MAP3K3: variants seen among roughly 807,000 people sequenced by gnomAD.
MAP3K3 encodes MAP/ERK kinase kinase 3.
Under a neutral mutation model 80.9 loss-of-function variants are expected in MAP3K3, and 12 were observed. The ratio of observed to expected loss-of-function variants is 0.15; its 90% CI spans 0.10 to 0.24. MAP3K3 has a LOEUF of 0.24. MAP3K3 is among the 10% of genes least tolerant of loss of function. The pLI, the probability that MAP3K3 is intolerant of heterozygous loss-of-function variation, is 1.00. For missense variants in MAP3K3, 596 were observed against 834.7 expected (o/e 0.71, Z 3.52); for synonymous variants, 272 against 307.1 (o/e 0.89, Z 1.19).
At chr17:63,637,890 A>G (rs892597213) in intron 2 of MAP3K3, among the ~76,000 whole-genome samples, 3 of 152,342 alleles carry the variant, frequency 2.0e-5, no homozygotes, top group Non-Finnish European at 4.4e-5. Context: ...GTGCTTCAGA[A>G]CAGAAAAGCT....
intron 3 of MAP3K3, among the ~76,000 whole-genome samples, chr17:63,647,400 G>A (rs1262096948): frequency 6.6e-6 from 1 of 152,210 alleles, no homozygotes; most frequent in African/African-American, 2.4e-5. Flanking sequence ...GAGCAGCAGA[G>A]TTTTCAATCA....
At position 63,692,339 on chromosome 17, in the gene MAP3K3, G is replaced by C; in HGVS notation, c.1572G>C (p.Met524Ile). The change falls in exon 15 of 16, where the codon ATG becomes ATC. Residue 524 changes from methionine (M) to isoleucine (I), a missense_variant. Coordinates refer to ENST00000361733, the MANE Select transcript of MAP3K3 (RefSeq NM_002401.5). The surrounding 1 kb of genome is among the most constrained non-coding windows in gnomAD (Gnocchi z 4.5). ...LQTICMSGTGMRSVTGTPYWM... is the reference protein window; with the variant it reads ...LQTICMSGTGIRSVTGTPYWM... ...CGATCTGTATGTCGGGGACGGGCAT[G>C]CGCTCCGTCACTGGCACACCCTACT... is the stretch of plus-strand genomic sequence containing the variant. 3 of 1,613,950 alleles carry C rather than the reference G, an allele frequency of 1.9e-6. No individual in the cohort carries two copies. Among genetic ancestry groups the C allele is most frequent in the Non-Finnish European group, 2.5e-6 (3 of 1,179,990 alleles).
intron 8 of MAP3K3, among the ~76,000 whole-genome samples, chr17:63,686,757 T>A (rs2143594217): frequency 6.6e-6 from 1 of 152,364 alleles, no homozygotes; most frequent in East Asian, 1.9e-4. Flanking sequence ...GGTTTTTTCC[T>A]CTGTGCCTGC....
intron 7 of MAP3K3, chr17:63,682,460 G>A (rs992663106): frequency 1.3e-5 from 2 of 152,206 alleles, no homozygotes; most frequent in African/African-American, 4.8e-5. Context: ...TTCCCTGGGT[G>A]AGGAGTCCAG....
Position 63,670,525 on chromosome 17 carries a change from G to A in MAP3K3, c.502+3465G>A, listed in dbSNP as rs143315159. Among the ~76,000 whole-genome samples the A allele has an allele frequency of 6.0e-5, 9 of 149,146 alleles. No individual in the cohort carries two copies. In the East Asian group the frequency reaches 1.8e-3, roughly 30 times the overall value. ...TTGAACCTGAGAGATCGAGGCTGCA[G>A]TGAGTGGAGATTGCACCACTGTACT... On this transcript the variant is annotated intron_variant, in intron 6 of 15. Transcript: ENST00000361733.
intron 6 of MAP3K3, among the ~76,000 whole-genome samples, chr17:63,677,721 C>G (rs763042591): frequency 3.3e-5 from 5 of 152,152 alleles, no homozygotes; most frequent in Non-Finnish European, 7.3e-5. Flanking sequence ...TGAAACATGC[C>G]ACTGTGGATG....
In MAP3K3 at chr17:63,646,436, C is replaced by G. The variant is rs188526846; in HGVS notation, c.167+362C>G. On this transcript the variant is annotated intron_variant, in intron 3 of 15. Transcript: ENST00000361733. ...GGCATTAGAGGGAGGGCAGGATTCT[C>G]CTGTGATATGGTGCCATTACTATTC... Among the ~76,000 whole-genome samples, 248 of 152,302 alleles carry G rather than the reference C, an allele frequency of 1.6e-3. 2 individuals are homozygous for G. Among genetic ancestry groups the G allele is most frequent in the Non-Finnish European group, 2.9e-3 (195 of 68,028 alleles).
In MAP3K3 at chr17:63,642,364, A is replaced by G. The variant is rs111788066; in HGVS notation, c.127-3670A>G. ...GATTCCTTCATTAGTATATCTAAAT[A>G]TAATGTTGTCCCAGGGCTGGGGCAG... On this transcript the variant is annotated intron_variant, in intron 2 of 15. Coordinates refer to ENST00000361733, the MANE Select transcript of MAP3K3 (RefSeq NM_002401.5). Among the ~76,000 whole-genome samples the G allele has an allele frequency of 8.7e-4, 132 of 152,360 alleles. 3 individuals carry two copies. Among genetic ancestry groups the G allele is most frequent in the Middle Eastern group, 3.4e-3 (1 of 294 alleles).
chr17:63,688,724 A>C (rs1298839957), intron 9 of MAP3K3, 65 bp from the exon 10 acceptor site: 2 of 1,408,710 alleles, frequency 1.4e-6, no homozygotes, highest in Non-Finnish European at 2.0e-6. Context: ...TGCCTTGGGG[A>C]CTTGGGGGCT....
intron 5 of MAP3K3, among the ~76,000 whole-genome samples, chr17:63,666,103 G>T (rs750104604): frequency 6.6e-6 from 1 of 152,156 alleles, no homozygotes. Context: ...GCCCCCCTTT[G>T]TTGCTTAGTT....
At chr17:63,650,659 A>G (rs1029181571) in intron 3 of MAP3K3, among the ~76,000 whole-genome samples, 2 of 32,028 alleles carry the variant, frequency 6.2e-5, no homozygotes, top group African/African-American at 5.5e-4. Context: ...TGTCTCTTAT[A>G]GAGAGAGAGA....
chr17:63,655,453 C>T (rs1481549388), intron 4 of MAP3K3, among the ~76,000 whole-genome samples: 1 of 152,162 alleles, frequency 6.6e-6, no homozygotes, highest in African/African-American at 2.4e-5. Flanking sequence ...TTTTAATAGC[C>T]ATCCTAGTAG....
chr17:63,692,494 G>T lies in MAP3K3; in HGVS notation c.1652+75G>T, dbSNP rs1383787212. On this transcript the variant is annotated intron_variant, in intron 15 of 15. Transcript: ENST00000361733. The surrounding 1 kb of genome is among the most constrained non-coding windows in gnomAD (Gnocchi z 4.5). ...CCCCCCATTAGAAACACACCCTGGG[G>T]ACTTTGTGGTGTGGCAGGAGGGAGT... The T allele has an allele frequency of 2.0e-6, 3 of 1,466,806 alleles. No homozygotes were observed. The highest frequency in any genetic ancestry group is 2.4e-5 in the East Asian group (1 of 41,592). The allele number at this position is 1,466,806 out of a possible 1,614,324, so 90.9% of individuals were successfully genotyped here.
chr17:63,637,572 A>T (rs149009668), intron 2 of MAP3K3, among the ~76,000 whole-genome samples: 1 of 152,206 alleles, frequency 6.6e-6, no homozygotes, highest in Non-Finnish European at 1.5e-5. Context: ...TGCAGTGGTT[A>T]TGTCACTTCT....
chr17:63,647,943 AT>A (rs2034572572), intron 3 of MAP3K3, among the ~76,000 whole-genome samples: 1 of 152,224 alleles, frequency 6.6e-6, no homozygotes, highest in Admixed American at 6.5e-5. Flanking sequence ...ACAGGTATTC[AT>A]TCTGGTGGGC....
At chr17:63,678,089 T>A (rs1018672738) in intron 6 of MAP3K3, among the ~76,000 whole-genome samples, 3 of 152,192 alleles carry the variant, frequency 2.0e-5, no homozygotes, top group Non-Finnish European at 4.4e-5. Flanking sequence ...TTGGCTGAAC[T>A]GTATGAGAGT....
chr17:63,693,011 AGTGGCTAATAGGAG>A lies in MAP3K3; in HGVS notation c.1653-534_1653-521del, dbSNP rs1234379128. ...TTACAGAAGGGTCTCAAGAGGTCAG[AGTGGCTAATAGGAG>A]GTGAGACAATGAAAGCAAGAGGTTG... On this transcript the variant is annotated intron_variant, in intron 15 of 15. Coordinates refer to ENST00000361733, the MANE Select transcript of MAP3K3 (RefSeq NM_002401.5). The surrounding 1 kb of genome is among the most constrained non-coding windows in gnomAD (Gnocchi z 4.2). Among the ~76,000 whole-genome samples the A allele has an allele frequency of 1.3e-5, 2 of 152,182 alleles. No individual in the cohort carries two copies. Among genetic ancestry groups the A allele is most frequent in the African/African-American group, 4.8e-5 (2 of 41,448 alleles).
intron 1 of MAP3K3, among the ~76,000 whole-genome samples, chr17:63,628,848 G>C (rs73335902): frequency 0.013 from 1,968 of 152,208 alleles, 46 homozygotes; most frequent in African/African-American, 0.045. Flanking sequence ...AGATTAAATG[G>C]CCTCCAGTCT....
chr17:63,632,356 G>C lies in MAP3K3; in HGVS notation c.5-325G>C, dbSNP rs546988345. Among the ~76,000 whole-genome samples, 6 of 152,246 alleles carry C rather than the reference G, an allele frequency of 3.9e-5. 1 individual carries two copies. The East Asian group carries it at 7.7e-4, about 20-fold the overall frequency. On this transcript the variant is annotated intron_variant, in intron 1 of 15. Transcript: ENST00000361733. Reference sequence around the variant, plus strand: ...AAAATAAAAAAATCATCCAGGCATGGTGGTGCATGCCTGTGTTCCCAGCTA... The same window carrying C: ...AAAATAAAAAAATCATCCAGGCATGCTGGTGCATGCCTGTGTTCCCAGCTA...
Sources: gnomAD v4.1 joint callset for allele counts (sites outside exome capture counted in the v4.1 genomes callset) on GRCh38, gnomAD v4.1.1 for gene constraint, Gnocchi (gnomAD v3.1) non-coding constraint, MANE v1.5 for transcripts, NCBI Gene and HGNC (gene_info 2026-07-23, HGNC 2026-07-21) for gene names.